AGK: variants seen among roughly 807,000 people sequenced by gnomAD.
AGK encodes the protein acylglycerol kinase, mitochondrial.
Under a neutral mutation model 66.4 loss-of-function variants are expected in AGK, and 52 were observed. The observed-to-expected ratio is 0.78, with a 90% CI of 0.63 to 0.99. The LOEUF (loss-of-function observed/expected upper bound fraction) is 0.99, where lower values mean the gene tolerates loss of function less well. Ranked by LOEUF, AGK falls within the 50% of genes least tolerant of loss-of-function variation. AGK has a pLI of 0.00. For synonymous variants in AGK, 182 were observed against 181.1 expected, an observed-to-expected ratio of 1.00 and a Z score of -0.04; for missense variants, 451 against 506.6, an observed-to-expected ratio of 0.89 and a Z score of 1.05.
intron 2 of AGK, among the ~76,000 whole-genome samples, chr7:141,590,479 G>A (rs1796088935): frequency 1.3e-5 from 2 of 152,168 alleles, no homozygotes; most frequent in Admixed American, 1.3e-4. Flanking sequence ...GGAGAGGCTG[G>A]AAGCTGCGTT....
At chr7:141,595,785 C>A (rs1229036618) in intron 3 of AGK, among the ~76,000 whole-genome samples, 2 of 152,104 alleles carry the variant, frequency 1.3e-5, no homozygotes, top group Admixed American at 1.3e-4. Flanking sequence ...CACATCTAGT[C>A]CTCTGCCTTT....
At chr7:141,582,837 G>A (rs1412771511) in intron 2 of AGK, among the ~76,000 whole-genome samples, 1 of 151,836 alleles carries the variant, frequency 6.6e-6, no homozygotes, top group Admixed American at 6.5e-5. Flanking sequence ...GGGAGCGGAG[G>A]CTGAGGAAGA....
At position 141,558,411 on chromosome 7, in the gene AGK, C is replaced by A. The variant is rs148919999; in HGVS notation, c.101+2844C>A. 4.4e-3 allele frequency among the ~76,000 whole-genome samples: 674 copies of A among 151,880 alleles called. 5 individuals are homozygous for A. The highest frequency in any genetic ancestry group is 0.016 in the African/African-American group (647 of 41,412). Reference sequence around the variant, plus strand: ...AACTCCTGACCTCAGGTGATCTGCCCGCCTTGGCCTCTGAAAGTGCTGGGA... The same window carrying A: ...AACTCCTGACCTCAGGTGATCTGCCAGCCTTGGCCTCTGAAAGTGCTGGGA... On this transcript the variant is annotated intron_variant, in intron 2 of 15. Coordinates refer to ENST00000649286, the MANE Select transcript of AGK (RefSeq NM_018238.4).
At chr7:141,567,106 T>C (rs1160686455) in intron 2 of AGK, among the ~76,000 whole-genome samples, 1 of 152,186 alleles carries the variant, frequency 6.6e-6, no homozygotes, top group East Asian at 1.9e-4. Flanking sequence ...TATCTTTAGA[T>C]ATCTTCCTGC....
intron 2 of AGK, among the ~76,000 whole-genome samples, chr7:141,574,883 A>G (rs551146492): frequency 1.3e-5 from 2 of 152,348 alleles, no homozygotes; most frequent in East Asian, 3.9e-4. Flanking sequence ...AATAGGTACC[A>G]AACTGGAGCT....
At chr7:141,608,034 A>G (rs997307004) in intron 5 of AGK, among the ~76,000 whole-genome samples, 1 of 152,092 alleles carries the variant, frequency 6.6e-6, no homozygotes, top group Non-Finnish European at 1.5e-5. Context: ...ACAAATATTT[A>G]TTTAGTGCCC....
chr7:141,556,745 C>T (rs2116847214), intron 2 of AGK, among the ~76,000 whole-genome samples: 1 of 152,258 alleles, frequency 6.6e-6, no homozygotes, highest in East Asian at 1.9e-4. Flanking sequence ...CATCAAGGGA[C>T]ACTTACTGAA....
chr7:141,565,313 A>G (rs1463751964), intron 2 of AGK, among the ~76,000 whole-genome samples: 6 of 152,056 alleles, frequency 3.9e-5, no homozygotes, highest in African/African-American at 1.5e-4. Flanking sequence ...TTCCTGCCAA[A>G]CCTGTTCCTT....
intron 2 of AGK, chr7:141,562,233 T>C (rs1795365650): frequency 2.2e-6 from 1 of 453,214 alleles, no homozygotes; most frequent in Non-Finnish European, 4.4e-6. Context: ...TGTTTTCTCC[T>C]TCTCGGGAGC....
At chr7:141,574,443 G>A (rs191722446) in intron 2 of AGK, among the ~76,000 whole-genome samples, 44 of 152,250 alleles carry the variant, frequency 2.9e-4, no homozygotes, top group African/African-American at 9.1e-4. Context: ...TTGATATCTC[G>A]CGGAGACCTG....
chr7:141,645,949 A>G (rs1344304472), intron 13 of AGK, among the ~76,000 whole-genome samples: 1 of 152,138 alleles, frequency 6.6e-6, no homozygotes, highest in African/African-American at 2.4e-5. Flanking sequence ...AAACAACTAT[A>G]TGAGACATTG....
At chr7:141,643,929 A>G (rs1305712671) in intron 13 of AGK, among the ~76,000 whole-genome samples, 2 of 152,178 alleles carry the variant, frequency 1.3e-5, no homozygotes, top group Admixed American at 6.5e-5. Flanking sequence ...GCAATTTGGC[A>G]TAGTATACAT....
At chr7:141,606,233 T>C (rs996971140) in intron 5 of AGK, among the ~76,000 whole-genome samples, 2 of 152,262 alleles carry the variant, frequency 1.3e-5, no homozygotes, top group Non-Finnish European at 2.9e-5. Context: ...AAATAGTCTT[T>C]GGAATAATCA....
intron 11 of AGK, among the ~76,000 whole-genome samples, chr7:141,639,298 C>T (rs987947275): frequency 1.8e-4 from 28 of 152,098 alleles, no homozygotes; most frequent in African/African-American, 6.5e-4. Context: ...AGAAACCTGA[C>T]TTTGAAGAGA....
intron 3 of AGK, among the ~76,000 whole-genome samples, chr7:141,596,191 G>T (rs1260892944): frequency 6.6e-6 from 1 of 152,042 alleles, no homozygotes; most frequent in Non-Finnish European, 1.5e-5. Context: ...GTAATGAGCT[G>T]GAAAGAATAT....
intron 9 of AGK, among the ~76,000 whole-genome samples, chr7:141,625,131 CT>C (rs559108278): frequency 1.3e-5 from 2 of 152,000 alleles, no homozygotes; most frequent in African/African-American, 4.8e-5. Context: ...AAGGTGCATA[CT>C]TTTTTTGACA....
intron 12 of AGK, 62 bp from the exon 13 acceptor site, chr7:141,641,749 T>C (rs1160166597): frequency 1.5e-6 from 2 of 1,378,558 alleles, no homozygotes; most frequent in African/African-American, 2.9e-5. Flanking sequence ...CAGCTAGCCG[T>C]CCGTGGTGGG....
At chr7:141,634,130 T>G in intron 10 of AGK, 150 bp downstream of exon 10, 1 of 700,848 alleles carries the variant, frequency 1.4e-6, no homozygotes, top group East Asian at 2.7e-5. Flanking sequence ...GTAGGAACAA[T>G]CAGGTAGAGG....
chr7:141,552,305 T>C (rs1329242444), intron 1 of AGK, among the ~76,000 whole-genome samples: 1 of 152,242 alleles, frequency 6.6e-6, no homozygotes, highest in Non-Finnish European at 1.5e-5. Flanking sequence ...ATTAAAGGTT[T>C]TTCATTGTCT....
Sources: gnomAD v4.1 joint callset for allele counts (sites outside exome capture counted in the v4.1 genomes callset) on GRCh38, gnomAD v4.1.1 for gene constraint, MANE v1.5 for transcripts, NCBI Gene and HGNC (gene_info 2026-07-23, HGNC 2026-07-21) for gene names.